The following CARHSP1 variants were observed in gnomAD, a reference collection of about 807,000 sequenced individuals.
The protein encoded by CARHSP1 is calcium-regulated heat-stable protein 1.
CARHSP1 carries 14 observed loss-of-function variants against 12.5 expected under a neutral mutation model. The ratio of observed to expected loss-of-function variants is 1.12; its 90% confidence interval spans 0.74 to 1.75. The LOEUF is 1.75. CARHSP1 is among the 40% of genes most tolerant of loss of function. The probability of loss-of-function intolerance (pLI) is 0.00; values close to 1 mark genes in which losing one functional copy is unlikely to be tolerated. For missense variants in CARHSP1, 343 were observed against 201.6 expected, an observed-to-expected ratio of 1.70 and a Z score of -4.25; for synonymous variants, 161 against 82.0, an observed-to-expected ratio of 1.96 and a Z score of -5.20.
chr16:8,858,420 A>G lies in CARHSP1; in HGVS notation c.211T>C (p.Cys71Arg), dbSNP rs1051015830. The G allele has an allele frequency of 2.5e-6, 4 of 1,613,932 alleles. No individual in the cohort carries two copies. The highest frequency in any genetic ancestry group is 2.2e-5 in the South Asian group (2 of 91,088). ...ATGAAGCCATGGCCCTTGGACCGGC[A>G]GAAGCATTTGCAGACTCCTTTGTAG... ...PVYKGVCKCF[C>R]RSKGHGFITP... Residue 71 changes from cysteine (C) to arginine (R), a missense_variant, in exon 3 of 4, where the codon TGC becomes CGC. Transcript: ENST00000311052.
At chr16:8,860,627 G>A (rs1299717575) in intron 1 of CARHSP1, 10 of 417,152 alleles carry the variant, frequency 2.4e-5, no homozygotes, top group Non-Finnish European at 2.8e-5. Context: ...CAGGGCTGGT[G>A]ATGGGGGTAC....
At position 8,853,503 on chromosome 16, in the gene CARHSP1, A is replaced by G. The variant is rs143703406; in HGVS notation, c.*1661T>C. 67 of 152,246 alleles carry G rather than the reference A, an allele frequency of 4.4e-4. No individual in the cohort carries two copies. The highest frequency in any genetic ancestry group is 1.5e-3 in the African/African-American group (61 of 41,542). 9.4% of individuals were successfully genotyped at this position (152,246 alleles called of 1,614,324 possible). ...CAACATGCGTATTTGCTATTCTCAA[A>G]CAACTCCCTTCCACCCCCTTAGGCT... On this transcript the variant is annotated 3_prime_UTR_variant, in exon 4 of 4. Coordinates refer to ENST00000311052, the MANE Select transcript of CARHSP1 (RefSeq NM_014316.4).
At chr16:8,867,061 ACCCAGCAGGGAGACGGTCAC>A (rs1017086334) in intron 1 of CARHSP1, among the ~76,000 whole-genome samples, 1 of 151,766 alleles carries the variant, frequency 6.6e-6, no homozygotes, top group African/African-American at 2.4e-5. Context: ...GGGCGACCCC[ACCCAGCAGGGAGACGGTCAC>A]CCCACCGCCA....
At chr16:8,859,441 T>C (rs2061271903) in intron 1 of CARHSP1, 106 bp from the exon 2 acceptor site, 3 of 1,005,966 alleles carry the variant, frequency 3.0e-6, no homozygotes, top group Admixed American at 5.0e-5. Flanking sequence ...CTCATTCCTC[T>C]CGGGCACCTC....
In CARHSP1 at chr16:8,856,271, C is replaced by G. The variant is rs367944593; in HGVS notation, c.282-945G>C. On this transcript the variant is annotated intron_variant, in intron 3 of 3. Coordinates refer to ENST00000311052, the MANE Select transcript of CARHSP1 (RefSeq NM_014316.4). ...TGATGTCCCCTTGATGAAACCCCCC[C>G]AGAGGAAAACCCCCTTCAGATGCTA... Among the ~76,000 whole-genome samples the G allele has an allele frequency of 3.7e-4, 57 of 152,262 alleles. 1 individual carries two copies. Among genetic ancestry groups the G allele is most frequent in the African/African-American group, 1.4e-3 (57 of 41,546 alleles).
intron 3 of CARHSP1, 22 bp downstream of exon 3, chr16:8,858,328 C>T (rs1439304709): frequency 6.2e-7 from 1 of 1,611,058 alleles, no homozygotes; most frequent in Admixed American, 1.7e-5. Flanking sequence ...AGCCAGGCCA[C>T]CCAGACCTGC....
At chr16:8,868,694 A>C (rs906651750) in intron 1 of CARHSP1, 1 of 151,872 alleles carries the variant, frequency 6.6e-6, no homozygotes, top group African/African-American at 2.4e-5. Flanking sequence ...CCCTGCACGC[A>C]GAGAACAGGT....
At chr16:8,865,099 A>G (rs1033757565) in intron 1 of CARHSP1, among the ~76,000 whole-genome samples, 4 of 152,168 alleles carry the variant, frequency 2.6e-5, no homozygotes, top group African/African-American at 9.7e-5. Flanking sequence ...AGCTCATTGA[A>G]GGAGACTCCA....
In CARHSP1 at chr16:8,855,224, G is replaced by A; in HGVS notation, c.384C>T (p.Ile128=). The A allele has an allele frequency of 2.5e-6, 4 of 1,613,284 alleles. No homozygotes were observed. Among genetic ancestry groups the A allele is most frequent in the Non-Finnish European group, 3.4e-6 (4 of 1,179,516 alleles). The part of the protein sequence containing the change: ...NEKLQAVEVV[I]THLAPGTKHE... ...GCTTGGTGCCTGGTGCCAGGTGAGT[G>A]ATGACGACCTCCACGGCCTGCAGCT... is the stretch of plus-strand genomic sequence containing the variant. The change falls in exon 4 of 4, where the codon ATC becomes ATT. Residue 128 remains isoleucine, a synonymous_variant. Coordinates refer to ENST00000311052, the MANE Select transcript of CARHSP1 (RefSeq NM_014316.4).
chr16:8,860,408 T>A, intron 1 of CARHSP1: 1 of 985,384 alleles, frequency 1.0e-6, no homozygotes, highest in Non-Finnish European at 1.2e-6. Context: ...TTTTGACAAT[T>A]TTTCAAGAGC....
intron 1 of CARHSP1, chr16:8,866,320 G>T: frequency 1.9e-6 from 1 of 517,266 alleles, no homozygotes; most frequent in Non-Finnish European, 2.5e-6. Flanking sequence ...CAGTAGCCGG[G>T]CTACACTGGC....
At chr16:8,863,090 C>T (rs1388667801) in intron 1 of CARHSP1, among the ~76,000 whole-genome samples, 1 of 147,096 alleles carries the variant, frequency 6.8e-6, no homozygotes, top group Non-Finnish European at 1.5e-5. Context: ...TCCAGACGGT[C>T]CAGGAATGGC....
chr16:8,855,185 A>G lies in CARHSP1; in HGVS notation c.423T>C (p.Ser141=). The change falls in exon 4 of 4, where the codon TCT becomes TCC. Residue 141 remains serine, a synonymous_variant. Coordinates refer to ENST00000311052, the MANE Select transcript of CARHSP1 (RefSeq NM_014316.4). The stretch of plus-strand genomic sequence containing the variant: ...TCTCCTAGGAGCTGATGACATGTCC[A>G]GACCAGGTCTCATGCTTGGTGCCTG... ...LAPGTKHETW[S]GHVISS The G allele has an allele frequency of 6.2e-7, 1 of 1,609,782 alleles. No homozygotes were observed. Among genetic ancestry groups the G allele is most frequent in the South Asian group, 1.1e-5 (1 of 90,536 alleles).
At chr16:8,861,058 ATAAAT>A (rs1168482601) in intron 1 of CARHSP1, among the ~76,000 whole-genome samples, 1 of 29,254 alleles carries the variant, frequency 3.4e-5, no homozygotes, top group Admixed American at 2.7e-4. Context: ...TCAAAAAAAA[ATAAAT>A]AACTTTTATT....
chr16:8,864,500 C>T (rs1292718275), intron 1 of CARHSP1, among the ~76,000 whole-genome samples: 2 of 152,252 alleles, frequency 1.3e-5, no homozygotes, highest in Non-Finnish European at 2.9e-5. Flanking sequence ...CCCCATTTCA[C>T]TAATGGGAGA....
At chr16:8,866,309 G>A (rs2061453862) in intron 1 of CARHSP1, 2 of 422,344 alleles carry the variant, frequency 4.7e-6, no homozygotes, top group Admixed American at 6.4e-5. Flanking sequence ...AGGGAACACG[G>A]CAGTAGCCGG....
chr16:8,859,152 C>A lies in CARHSP1; in HGVS notation c.158+19G>T. On this transcript the variant is annotated intron_variant, in intron 2 of 3. Transcript: ENST00000311052. Reference sequence around the variant, plus strand: ...AGAGATCCATCTGAGAACGCGTCCCCAGCCTGCTCCAGACTCACGCCGAGA... The same window carrying A: ...AGAGATCCATCTGAGAACGCGTCCCAAGCCTGCTCCAGACTCACGCCGAGA... 1.3e-6 allele frequency: 2 copies of A among 1,575,544 alleles called. No homozygotes were observed. Among genetic ancestry groups the A allele is most frequent in the Non-Finnish European group, 1.7e-6 (2 of 1,156,026 alleles).
chr16:8,860,294 A>C, intron 1 of CARHSP1: 2 of 984,308 alleles, frequency 2.0e-6, no homozygotes, highest in Non-Finnish European at 2.4e-6. Context: ...ATTTCCACAC[A>C]GCCCGGGTCA....
intron 1 of CARHSP1, among the ~76,000 whole-genome samples, chr16:8,863,399 C>T (rs943859728): frequency 6.6e-6 from 1 of 152,196 alleles, no homozygotes; most frequent in Non-Finnish European, 1.5e-5. Flanking sequence ...AGGCGTGAGC[C>T]ACCACACCCA....
Sources: allele counts gnomAD v4.1 joint callset (sites outside exome capture counted in the v4.1 genomes callset), GRCh38; gene constraint gnomAD v4.1.1; transcripts MANE v1.5; gene names NCBI Gene and HGNC (gene_info 2026-07-23, HGNC 2026-07-21).